BCL2: variants seen among roughly 807,000 people sequenced by gnomAD.
BCL2 encodes the protein BCL2 apoptosis regulator.
BCL2 carries 1 observed loss-of-function variant against 14.2 expected under a neutral mutation model. The observed-to-expected ratio is 0.07, with a 90% CI of 0.02 to 0.33. The LOEUF is 0.33. BCL2 is among the 10% of genes least tolerant of loss of function. BCL2 has a pLI of 0.99. For missense variants in BCL2, 247 were observed against 305.9 expected, an observed-to-expected ratio of 0.81 and a Z score of 1.44; for synonymous variants, 151 against 137.2, an observed-to-expected ratio of 1.10 and a Z score of -0.70.
intron 2 of BCL2, among the ~76,000 whole-genome samples, chr18:63,210,950 G>C (rs1909981546): frequency 6.6e-6 from 1 of 151,542 alleles, no homozygotes; most frequent in Non-Finnish European, 1.5e-5. Flanking sequence ...TTTCACCTAA[G>C]CCCAAATAGC....
At chr18:63,232,632 CA>C (rs912653316) in intron 2 of BCL2, among the ~76,000 whole-genome samples, 2 of 152,068 alleles carry the variant, frequency 1.3e-5, no homozygotes, top group Non-Finnish European at 2.9e-5. Context: ...TTTAAAAGCC[CA>C]ACAATGTCAA....
intron 2 of BCL2, chr18:63,313,940 A>T (rs1290430692): frequency 6.6e-6 from 1 of 152,242 alleles, no homozygotes; most frequent in African/African-American, 2.4e-5. Flanking sequence ...TCTTATTAGA[A>T]AGTACAGCTG....
At chr18:63,252,456 T>C (rs965443405) in intron 2 of BCL2, among the ~76,000 whole-genome samples, 3 of 152,244 alleles carry the variant, frequency 2.0e-5, no homozygotes, top group African/African-American at 7.2e-5. Context: ...AATCTCATCT[T>C]GAGTTGTAAC....
intron 2 of BCL2, among the ~76,000 whole-genome samples, chr18:63,229,447 A>G (rs1215490591): frequency 2.0e-5 from 3 of 152,170 alleles, no homozygotes; most frequent in Non-Finnish European, 4.4e-5. Context: ...ATAATCCCCA[A>G]TGCTGAAGGA....
intron 2 of BCL2, among the ~76,000 whole-genome samples, chr18:63,275,508 T>C (rs1402880225): frequency 1.3e-5 from 2 of 152,212 alleles, no homozygotes; most frequent in East Asian, 1.9e-4. Flanking sequence ...TGCTAAATAC[T>C]ACACAGCCGT....
intron 2 of BCL2, among the ~76,000 whole-genome samples, chr18:63,279,973 G>T (rs1164926572): frequency 6.6e-6 from 1 of 152,198 alleles, no homozygotes. Context: ...GGCTATGATT[G>T]TCAGGGGACA....
intron 2 of BCL2, among the ~76,000 whole-genome samples, chr18:63,251,706 CTT>C (rs551895042): frequency 2.8e-5 from 4 of 140,388 alleles, no homozygotes; most frequent in African/African-American, 5.2e-5. Flanking sequence ...GTTTTTTTTT[CTT>C]TTTTTTTTTG....
chr18:63,302,782 T>C (rs1042565120), intron 2 of BCL2: 158 of 985,378 alleles, frequency 1.6e-4, no homozygotes, highest in Non-Finnish European at 1.8e-4. Flanking sequence ...TTAAGTTTCT[T>C]TTAAGAAAGT....
At chr18:63,188,829 AAAT>A (rs1194309127) in intron 2 of BCL2, among the ~76,000 whole-genome samples, 7 of 152,050 alleles carry the variant, frequency 4.6e-5, no homozygotes, top group Non-Finnish European at 8.8e-5. Context: ...CTCATCAATA[AAAT>A]AATATTATCC....
At position 63,128,202 on chromosome 18, in the gene BCL2, C is replaced by T; in HGVS notation, c.*423G>A. On this transcript the variant is annotated 3_prime_UTR_variant, in exon 3 of 3. Transcript: ENST00000333681. ...AGCCAGCTTCCCCAATGATCAGGTC[C>T]TTTTTCCATCCGTCTGCTCTTCAGA... The T allele has an allele frequency of 4.3e-6, 1 of 233,800 alleles. No homozygotes were observed. Among genetic ancestry groups the T allele is most frequent in the Non-Finnish European group, 8.5e-6 (1 of 118,242 alleles). 14.5% of individuals were successfully genotyped at this position (233,800 alleles called of 1,614,324 possible).
chr18:63,130,653 T>C (rs1914040184), intron 2 of BCL2, among the ~76,000 whole-genome samples: 1 of 152,246 alleles, frequency 6.6e-6, no homozygotes, highest in Admixed American at 6.5e-5. Flanking sequence ...TATAGATTTA[T>C]ACAATTATTT....
intron 2 of BCL2, among the ~76,000 whole-genome samples, chr18:63,260,483 C>G (rs898357173): frequency 1.3e-5 from 2 of 152,246 alleles, no homozygotes; most frequent in Non-Finnish European, 2.9e-5. Context: ...CAGGGTACCT[C>G]TGCAAGGAGC....
At chr18:63,195,219 A>G (rs2840358) in intron 2 of BCL2, among the ~76,000 whole-genome samples, 3,016 of 152,226 alleles carry the variant, frequency 0.02, 34 homozygotes, top group South Asian at 0.055. Context: ...AAGTCATTGA[A>G]TCTTGGTCCA....
chr18:63,319,851 T>A (rs1207635647), upstream of BCL2: 1 of 178,556 alleles, frequency 5.6e-6, no homozygotes, highest in Non-Finnish European at 1.2e-5. Flanking sequence ...TTCTCCCCCC[T>A]GGACCCCCTC....
At chr18:63,267,145 G>A (rs1373198811) in intron 2 of BCL2, among the ~76,000 whole-genome samples, 2 of 152,202 alleles carry the variant, frequency 1.3e-5, no homozygotes, top group Non-Finnish European at 2.9e-5. Context: ...ATGCAAGGCC[G>A]AGGAAGTGAG....
intron 2 of BCL2, among the ~76,000 whole-genome samples, chr18:63,307,702 C>A (rs1913186900): frequency 6.6e-6 from 1 of 152,162 alleles, no homozygotes; most frequent in South Asian, 2.1e-4. Context: ...CTTTGGAGAA[C>A]AGGCCAATTA....
chr18:63,314,217 T>C (rs562062731), intron 2 of BCL2: 24 of 152,354 alleles, frequency 1.6e-4, no homozygotes, highest in Admixed American at 9.8e-4. Flanking sequence ...GACTAGATCA[T>C]CTTCAAGCTA....
intron 2 of BCL2, among the ~76,000 whole-genome samples, chr18:63,275,455 C>T (rs1037262668): frequency 3.9e-5 from 6 of 152,118 alleles, no homozygotes; most frequent in African/African-American, 1.4e-4. Context: ...CTCTCAGTGG[C>T]CAAAGGATGG....
intron 2 of BCL2, among the ~76,000 whole-genome samples, chr18:63,261,938 C>A (rs34927632): frequency 0.29 from 44,085 of 151,972 alleles, 7,307 homozygotes; most frequent in Middle Eastern, 0.41. Context: ...TGCCACCATG[C>A]CCAGTTAATG....
Sources: gnomAD v4.1 joint callset for allele counts (sites outside exome capture counted in the v4.1 genomes callset) on GRCh38, gnomAD v4.1.1 for gene constraint, MANE v1.5 for transcripts, NCBI Gene and HGNC (gene_info 2026-07-23, HGNC 2026-07-21) for gene names.